NEGR1: variants seen among roughly 807,000 people sequenced by gnomAD.
NEGR1 encodes IgLON family member 4.
In NEGR1, 10 loss-of-function variants were observed where a neutral mutation model predicts 40.9. The observed-to-expected ratio is 0.24, with a 90% CI of 0.15 to 0.42. NEGR1 has a LOEUF of 0.42. NEGR1 is among the 10% of genes least tolerant of loss of function. NEGR1 has a pLI of 1.00. For synonymous variants in NEGR1, 185 were observed against 166.8 expected (o/e 1.11, Z -0.84); for missense variants, 352 against 438.9 (o/e 0.80, Z 1.77).
intron 1 of NEGR1, among the ~76,000 whole-genome samples, chr1:72,236,400 T>C (rs1654546414): frequency 6.6e-6 from 1 of 151,812 alleles, no homozygotes; most frequent in Non-Finnish European, 1.5e-5. Flanking sequence ...CTGCGCGTTC[T>C]GCACATGTAT....
chr1:71,830,385 C>T (rs1392045675), intron 2 of NEGR1, among the ~76,000 whole-genome samples: 1 of 151,692 alleles, frequency 6.6e-6, no homozygotes, highest in East Asian at 2.0e-4. Context: ...TTCAATTCTG[C>T]TATTGTTACA....
At chr1:71,593,883 C>A (rs1211954126) in intron 5 of NEGR1, among the ~76,000 whole-genome samples, 4 of 152,160 alleles carry the variant, frequency 2.6e-5, no homozygotes, top group Non-Finnish European at 4.4e-5. Context: ...ACTCTTATAT[C>A]TCTCTCTGTA....
At chr1:72,065,486 C>A (rs1187181921) in intron 1 of NEGR1, among the ~76,000 whole-genome samples, 1 of 151,998 alleles carries the variant, frequency 6.6e-6, no homozygotes, top group Non-Finnish European at 1.5e-5. Flanking sequence ...AACAAACAAA[C>A]AAATAAAATC....
intron 6 of NEGR1, among the ~76,000 whole-genome samples, chr1:71,571,324 T>C (rs1648801047): frequency 6.6e-6 from 1 of 152,224 alleles, no homozygotes; most frequent in Non-Finnish European, 1.5e-5. Context: ...ACTATTCTCA[T>C]AATTCTCTGA....
intron 1 of NEGR1, among the ~76,000 whole-genome samples, chr1:72,208,138 G>C (rs941476200): frequency 2.8e-4 from 42 of 151,662 alleles, no homozygotes; most frequent in Admixed American, 2.1e-3. Context: ...TGTATGGCTA[G>C]CAGTAATAGA....
intron 4 of NEGR1, among the ~76,000 whole-genome samples, chr1:71,615,931 T>C (rs544828785): frequency 6.6e-6 from 1 of 152,292 alleles, no homozygotes; most frequent in South Asian, 2.1e-4. Context: ...GGATAGAATG[T>C]AATTAAATAG....
chr1:72,047,005 C>T (rs913082323), intron 1 of NEGR1, among the ~76,000 whole-genome samples: 3 of 151,498 alleles, frequency 2.0e-5, no homozygotes, highest in Non-Finnish European at 3.0e-5. Flanking sequence ...GAATGGTAAA[C>T]AGATTAAAAG....
At chr1:71,803,714 C>T (rs1268332223) in intron 2 of NEGR1, among the ~76,000 whole-genome samples, 1 of 152,132 alleles carries the variant, frequency 6.6e-6, no homozygotes. Context: ...TTTTACCTTT[C>T]TACCTTCCTT....
chr1:72,106,847 C>A (rs1038515376), intron 1 of NEGR1, among the ~76,000 whole-genome samples: 34 of 151,954 alleles, frequency 2.2e-4, no homozygotes, highest in Non-Finnish European at 4.4e-4. Context: ...ATATCAAAGA[C>A]AAAACGTCAT....
At chr1:71,961,890 T>C (rs748983350) in intron 1 of NEGR1, among the ~76,000 whole-genome samples, 2 of 152,072 alleles carry the variant, frequency 1.3e-5, no homozygotes, top group African/African-American at 2.4e-5. Flanking sequence ...GAAAGCCACA[T>C]AACTTCTCTA....
chr1:72,163,731 T>TAGAC (rs1173600087), intron 1 of NEGR1, among the ~76,000 whole-genome samples: 14 of 64,930 alleles, frequency 2.2e-4, no homozygotes, highest in East Asian at 1.4e-3. Context: ...AGATATCTAA[T>TAGAC]AGATAGATAG....
chr1:72,243,101 T>A (rs571739683), intron 1 of NEGR1, among the ~76,000 whole-genome samples: 33 of 151,902 alleles, frequency 2.2e-4, no homozygotes, highest in Admixed American at 3.9e-4. Context: ...TAAATCTTTT[T>A]AATTATGGTC....
At chr1:71,790,344 C>G (rs551961529) in intron 2 of NEGR1, among the ~76,000 whole-genome samples, 7 of 152,036 alleles carry the variant, frequency 4.6e-5, no homozygotes, top group Admixed American at 6.6e-5. Context: ...GGATGTATCT[C>G]TGGGAGACAC....
At chr1:71,424,324 A>G (rs1266886897) in intron 6 of NEGR1, among the ~76,000 whole-genome samples, 1 of 152,106 alleles carries the variant, frequency 6.6e-6, no homozygotes, top group Non-Finnish European at 1.5e-5. Flanking sequence ...TTTATTATTC[A>G]TTTGTTCATA....
intron 3 of NEGR1, among the ~76,000 whole-genome samples, chr1:71,733,997 A>T (rs904617283): frequency 7.2e-5 from 11 of 152,176 alleles, no homozygotes; most frequent in Non-Finnish European, 1.3e-4. Flanking sequence ...ATACTTTATT[A>T]ATCATTTGAA....
chr1:71,674,329 T>C (rs906129059), intron 4 of NEGR1, among the ~76,000 whole-genome samples: 4 of 152,130 alleles, frequency 2.6e-5, no homozygotes, highest in African/African-American at 7.2e-5. Context: ...AACTGCAAAA[T>C]GAGCATTAAA....
chr1:71,538,049 A>C (rs549058704), intron 6 of NEGR1, among the ~76,000 whole-genome samples: 7 of 151,872 alleles, frequency 4.6e-5, no homozygotes, highest in African/African-American at 1.7e-4. Flanking sequence ...CATAAAACAG[A>C]GGTGAAGAGA....
At chr1:71,490,580 T>G (rs1646920205) in intron 6 of NEGR1, among the ~76,000 whole-genome samples, 1 of 151,932 alleles carries the variant, frequency 6.6e-6, no homozygotes, top group South Asian at 2.1e-4. Context: ...ATGCCATACC[T>G]CCTCCCTGTG....
At chr1:71,524,460 G>A (rs1278320476) in intron 6 of NEGR1, among the ~76,000 whole-genome samples, 1 of 151,062 alleles carries the variant, frequency 6.6e-6, no homozygotes, top group Non-Finnish European at 1.5e-5. Context: ...TAAAATAGTT[G>A]CTTATAAACA....
Sources: gnomAD v4.1 joint callset for allele counts (sites outside exome capture counted in the v4.1 genomes callset) on GRCh38, gnomAD v4.1.1 for gene constraint, MANE v1.5 for transcripts, NCBI Gene and HGNC (gene_info 2026-07-23, HGNC 2026-07-21) for gene names.